Variants in METTL15 observed in about 807,000 individuals in gnomAD.
METTL15 encodes methyltransferase 15, mitochondrial 12S rRNA N4-cytidine.
In METTL15, 34 loss-of-function variants were observed where a neutral mutation model predicts 38.3. That is an observed-to-expected ratio of 0.89 (90% CI 0.68 to 1.18). METTL15 has a LOEUF of 1.18. Among genes scored for constraint, METTL15 ranks in the 50% most tolerant of loss-of-function variants. The pLI is 0.00. For synonymous variants in METTL15, 162 were observed against 170.9 expected, an observed-to-expected ratio of 0.95 and a Z score of 0.41; for missense variants, 438 against 498.4, an observed-to-expected ratio of 0.88 and a Z score of 1.15.
At chr11:28,292,086 T>G (rs1368138693) in intron 5 of METTL15, among the ~76,000 whole-genome samples, 1 of 151,976 alleles carries the variant, frequency 6.6e-6, no homozygotes, top group East Asian at 1.9e-4. Flanking sequence ...ACTTTAAGTT[T>G]TAGGGTACAT....
At chr11:28,141,937 C>T (rs1422419090) in intron 3 of METTL15, among the ~76,000 whole-genome samples, 1 of 152,132 alleles carries the variant, frequency 6.6e-6, no homozygotes, top group Non-Finnish European at 1.5e-5. Flanking sequence ...AAACTGTAAA[C>T]TAAATTCCTC....
chr11:28,134,659 T>G (rs1849455878), intron 3 of METTL15: 1 of 398,334 alleles, frequency 2.5e-6, no homozygotes, highest in Non-Finnish European at 4.4e-6. Flanking sequence ...AGTTTAAGGG[T>G]CCTGGGAAGA....
At chr11:28,168,357 A>G (rs1165967015) in intron 3 of METTL15, among the ~76,000 whole-genome samples, 2 of 152,038 alleles carry the variant, frequency 1.3e-5, no homozygotes, top group Non-Finnish European at 2.9e-5. Context: ...AAAACCTATA[A>G]AGATCAGAAA....
chr11:28,327,938 A>C, intron 6 of METTL15: 1 of 621,578 alleles, frequency 1.6e-6, no homozygotes. Flanking sequence ...AGTTATGTTG[A>C]ACCATCATTT....
At chr11:28,433,711 TG>T (rs774193976) in intron 6 of METTL15, among the ~76,000 whole-genome samples, 9 of 152,204 alleles carry the variant, frequency 5.9e-5, no homozygotes, top group Non-Finnish European at 1.3e-4. Flanking sequence ...TAAGTTTCCA[TG>T]GAGCTATTGA....
intron 4 of METTL15, among the ~76,000 whole-genome samples, chr11:28,274,532 C>T (rs765373584): frequency 2.0e-5 from 3 of 151,858 alleles, no homozygotes; most frequent in Non-Finnish European, 4.4e-5. Context: ...GACTTGCCAA[C>T]AAGTAAATTA....
At chr11:28,158,454 C>T (rs561162752) in intron 3 of METTL15, among the ~76,000 whole-genome samples, 2 of 152,302 alleles carry the variant, frequency 1.3e-5, no homozygotes, top group East Asian at 3.9e-4. Flanking sequence ...CCCAGTTTGT[C>T]AGCAGCAGAG....
chr11:28,249,245 T>C (rs1854637153), intron 4 of METTL15, among the ~76,000 whole-genome samples: 1 of 151,994 alleles, frequency 6.6e-6, no homozygotes, highest in Non-Finnish European at 1.5e-5. Context: ...GTGGTACCTA[T>C]CTTCATAAGC....
At chr11:28,460,050 A>G (rs1024425182) in intron 6 of METTL15, among the ~76,000 whole-genome samples, 1 of 152,048 alleles carries the variant, frequency 6.6e-6, no homozygotes, top group African/African-American at 2.4e-5. Context: ...TTTTCCCATA[A>G]TAAGCCAGGT....
chr11:28,482,966 A>G (rs1262320212), intron 6 of METTL15, among the ~76,000 whole-genome samples: 1 of 152,158 alleles, frequency 6.6e-6, no homozygotes, highest in Non-Finnish European at 1.5e-5. Context: ...ACTGTGGGAC[A>G]CAATCCGGAT....
At chr11:28,526,637 C>T (rs1244158995) in exon 8 of METTL15, 1 of 152,144 alleles carries the variant, frequency 6.6e-6, no homozygotes, top group Non-Finnish European at 1.5e-5. Context: ...GGAAGAATTA[C>T]ATGAAGACAC....
chr11:28,314,336 C>T (rs538189664), intron 6 of METTL15, among the ~76,000 whole-genome samples: 8 of 152,180 alleles, frequency 5.3e-5, no homozygotes, highest in Non-Finnish European at 1.2e-4. Context: ...ACTTTATCTT[C>T]GAGTGCAAGG....
chr11:28,378,379 C>T (rs569803443), intron 5 of METTL15, among the ~76,000 whole-genome samples: 8 of 152,176 alleles, frequency 5.3e-5, no homozygotes, highest in Non-Finnish European at 4.4e-5. Context: ...TTAAGCCTGT[C>T]GGAAAAGCGC....
intron 4 of METTL15, among the ~76,000 whole-genome samples, chr11:28,220,279 CTCT>C (rs549727696): frequency 4.0e-4 from 61 of 152,230 alleles, no homozygotes; most frequent in South Asian, 4.1e-4. Flanking sequence ...GGATAGTTAG[CTCT>C]TCTTGTTGAA....
intron 3 of METTL15, among the ~76,000 whole-genome samples, chr11:28,131,537 T>C (rs567914555): frequency 7.0e-6 from 1 of 142,572 alleles, no homozygotes; most frequent in South Asian, 2.2e-4. Context: ...TTGAAGGCAG[T>C]CACAAAAGAT....
chr11:28,199,132 C>A (rs1852014101), intron 3 of METTL15, among the ~76,000 whole-genome samples: 1 of 152,080 alleles, frequency 6.6e-6, no homozygotes, highest in Non-Finnish European at 1.5e-5. Flanking sequence ...TTCCCAAAGG[C>A]TGAACCCCAT....
intron 4 of METTL15, among the ~76,000 whole-genome samples, chr11:28,215,349 A>G (rs1248552296): frequency 2.0e-5 from 3 of 152,046 alleles, no homozygotes; most frequent in South Asian, 2.1e-4. Flanking sequence ...GGTTAGAGTA[A>G]TATTTTAGGC....
chr11:28,499,526 G>C (rs1045681890), intron 6 of METTL15, among the ~76,000 whole-genome samples: 1 of 152,140 alleles, frequency 6.6e-6, no homozygotes, highest in Non-Finnish European at 1.5e-5. Flanking sequence ...TCTGTACCAA[G>C]ATCTAATATC....
At chr11:28,117,128 CAATT>C (rs944147923) in intron 3 of METTL15, among the ~76,000 whole-genome samples, 44 of 151,446 alleles carry the variant, frequency 2.9e-4, no homozygotes, top group African/African-American at 9.9e-4. Flanking sequence ...GCAGGGGTAA[CAATT>C]AAAATCCATA....
Sources: gnomAD v4.1 joint callset for allele counts (sites outside exome capture counted in the v4.1 genomes callset) on GRCh38, gnomAD v4.1.1 for gene constraint, MANE v1.5 for transcripts, NCBI Gene and HGNC (gene_info 2026-07-23, HGNC 2026-07-21) for gene names.